DNAJC16: variants seen among roughly 807,000 people sequenced by gnomAD.
DNAJC16 encodes the protein DnaJ heat shock protein family (Hsp40) member C16, also known as dnaJ homolog subfamily C member 16.
A neutral mutation model predicts 92.7 loss-of-function variants in DNAJC16; 76 were observed. The observed-to-expected ratio is 0.82, with a 90% CI of 0.68 to 0.99. DNAJC16 has a LOEUF of 0.99. Among genes scored for constraint, DNAJC16 ranks in the 50% least tolerant of loss-of-function variants. The probability of loss-of-function intolerance (pLI) is 0.00; values close to 1 mark genes in which losing one functional copy is unlikely to be tolerated. For missense variants in DNAJC16, 869 were observed against 942.4 expected (o/e 0.92, Z 1.02); for synonymous variants, 328 against 358.7 (o/e 0.91, Z 0.97).
Position 15,536,525 on chromosome 1 carries a change from T to C in DNAJC16, c.285T>C (p.Ala95=), listed in dbSNP as rs779560655. Residue 95 remains alanine (A), a synonymous_variant, in exon 4 of 15, where the codon GCT becomes GCC. Coordinates refer to ENST00000375847, the MANE Select transcript of DNAJC16 (RefSeq NM_015291.4). The stretch of plus-strand genomic sequence containing the variant: ...CAAATTATGATCAATATGGAGACGC[T>C]GGAGAGAACCAGGGCTACCAGAAGC... ...KRSNYDQYGD[A]GENQGYQKQQ... is the part of the protein sequence containing the mutation. 3 of 1,613,814 alleles carry C rather than the reference T, an allele frequency of 1.9e-6. No homozygotes were observed. Among genetic ancestry groups the C allele is most frequent in the Non-Finnish European group, 1.7e-6 (2 of 1,179,912 alleles).
chr1:15,533,598 A>G (rs1367944736), intron 2 of DNAJC16, among the ~76,000 whole-genome samples: 1 of 152,212 alleles, frequency 6.6e-6, no homozygotes, highest in African/African-American at 2.4e-5. Flanking sequence ...ACTGCATTCC[A>G]GTCTGGGCAA....
rs185550191 is a variant in DNAJC16, at chr1:15,567,969, A to G, written c.2141A>G (p.Gln714Arg). Residue 714 changes from glutamine to arginine, a missense_variant, in exon 15 of 15, where the codon CAA becomes CGA. Transcript: ENST00000375847. The part of the protein sequence containing the change: ...HKKYFCLFKP[Q>R]KTVEEEEAIG... ...AAATACTTCTGCCTCTTCAAGCCCC[A>G]AAAGACAGTCGAAGAGGAGGAAGCC... 4 of 1,614,230 alleles carry G rather than the reference A, an allele frequency of 2.5e-6. No individual in the cohort carries two copies.
chr1:15,542,369 AG>A (rs1277466118), intron 4 of DNAJC16: 1 of 152,306 alleles, frequency 6.6e-6, no homozygotes, highest in African/African-American at 2.4e-5. Flanking sequence ...GAGAGTTCCC[AG>A]GTGGCTGAAC....
At chr1:15,548,554 T>A (rs1638366671) in intron 7 of DNAJC16, 126 bp downstream of exon 7, 5 of 972,276 alleles carry the variant, frequency 5.1e-6, no homozygotes, top group Non-Finnish European at 7.1e-6. Context: ...CAAAATTTTT[T>A]AATGAATTTT....
At chr1:15,563,887 G>A (rs1469943250) in intron 9 of DNAJC16, 42 bp from the exon 10 acceptor site, 1 of 1,542,074 alleles carries the variant, frequency 6.5e-7, no homozygotes, top group South Asian at 1.2e-5. Flanking sequence ...ACTTAACCAT[G>A]CTTTTGAAAC....
rs1490981309 is a variant in DNAJC16, at chr1:15,568,301, A to G, written c.*124A>G. 11 of 822,864 alleles carry G rather than the reference A, an allele frequency of 1.3e-5. No individual in the cohort carries two copies. The East Asian group carries it at 1.5e-4, about 11-fold the overall frequency. The allele number at this position is 822,864 out of a possible 1,614,324, so 51.0% of individuals were successfully genotyped here. On this transcript the variant is annotated 3_prime_UTR_variant, in exon 15 of 15. Coordinates refer to ENST00000375847, the MANE Select transcript of DNAJC16 (RefSeq NM_015291.4). The stretch of plus-strand genomic sequence containing the variant: ...GATTTTAGATTGCTCTTCTAGAACC[A>G]TGGCTAGAAGAATCTTTCCTTTGTC...
chr1:15,568,000 G>T lies in DNAJC16; in HGVS notation c.2172G>T (p.Gly724=), dbSNP rs1638859187. Residue 724 remains glycine, a synonymous_variant, in exon 15 of 15, where the codon GGG becomes GGT. Transcript: ENST00000375847. ...CAGTCGAAGAGGAGGAAGCCATAGG[G>T]TCGTGCAGTGATGTTGACTCTTCCC... ...QKTVEEEEAI[G]SCSDVDSSLY... is the part of the protein sequence containing the mutation. 1 of 1,614,110 alleles carries T rather than the reference G, an allele frequency of 6.2e-7. No homozygotes were observed. Among genetic ancestry groups the T allele is most frequent in the Non-Finnish European group, 8.5e-7 (1 of 1,180,048 alleles).
chr1:15,530,115 A>G (rs1710619988), intron 2 of DNAJC16, among the ~76,000 whole-genome samples: 1 of 151,886 alleles, frequency 6.6e-6, no homozygotes. Context: ...CTGACTATAT[A>G]TTACTCAAAA....
intron 4 of DNAJC16, among the ~76,000 whole-genome samples, chr1:15,538,647 T>A (rs540289477): frequency 6.6e-6 from 1 of 151,896 alleles, no homozygotes; most frequent in East Asian, 1.9e-4. Flanking sequence ...AACCCTGGAG[T>A]TGGAGGTTGC....
At chr1:15,534,148 C>A in intron 2 of DNAJC16, 89 bp from the exon 3 acceptor site, 2 of 1,328,614 alleles carry the variant, frequency 1.5e-6, no homozygotes, top group Non-Finnish European at 2.1e-6. Context: ...CTCCGTCTGC[C>A]TCTGTAGTGA....
chr1:15,533,636 CAAAAA>C (rs568602677), intron 2 of DNAJC16, among the ~76,000 whole-genome samples: 2 of 147,854 alleles, frequency 1.4e-5, no homozygotes, highest in Non-Finnish European at 3.0e-5. Flanking sequence ...TCAAAAAAAA[CAAAAA>C]AACAAAAAAA....
chr1:15,542,107 T>C (rs1259112606), intron 4 of DNAJC16: 1 of 152,042 alleles, frequency 6.6e-6, no homozygotes, highest in Non-Finnish European at 1.5e-5. Context: ...GGGCTGGAGA[T>C]TGAGTTAATA....
intron 7 of DNAJC16, among the ~76,000 whole-genome samples, chr1:15,551,688 A>G (rs1041283951): frequency 1.3e-5 from 2 of 151,336 alleles, no homozygotes; most frequent in Middle Eastern, 3.4e-3. Context: ...GACTCGGCTC[A>G]CTGCAGTTCC....
chr1:15,563,523 C>CT lies in DNAJC16; in HGVS notation c.1339-405dup, dbSNP rs1421334977. On this transcript the variant is annotated intron_variant, in intron 9 of 14. Transcript: ENST00000375847. ...CAGCCTGGGAGACAAGGGCGAAACT[C>CT]TGTCTCAAAAAACAAACAACTGGGC... is the stretch of plus-strand genomic sequence containing the variant. Among the ~76,000 whole-genome samples, 3 of 150,478 alleles carry CT rather than the reference C, an allele frequency of 2.0e-5. No homozygotes were observed. The East Asian group carries it at 5.9e-4, about 30-fold the overall frequency.
At chr1:15,534,455 G>A in intron 3 of DNAJC16, 152 bp downstream of exon 3, 1 of 770,362 alleles carries the variant, frequency 1.3e-6, no homozygotes. Flanking sequence ...TGGATGCGGT[G>A]GCTCATGCCT....
At chr1:15,538,817 A>C (rs1210888253) in intron 4 of DNAJC16, among the ~76,000 whole-genome samples, 1 of 152,218 alleles carries the variant, frequency 6.6e-6, no homozygotes, top group Non-Finnish European at 1.5e-5. Context: ...ACTGGCAAAA[A>C]TAACGCATTT....
rs948359590 is a variant in DNAJC16, at chr1:15,559,473, A to G, written c.1024-53A>G. 3.7e-6 allele frequency: 6 copies of G among 1,604,152 alleles called. No individual in the cohort carries two copies. In the African/African-American group the frequency reaches 6.7e-5, roughly 18 times the overall value. ...GCTGGTAAGTAAAGAAAGCCCATCT[A>G]TTTGCATTGAGAACACTGCATAAAA... On this transcript the variant is annotated intron_variant, in intron 7 of 14. Transcript: ENST00000375847.
In DNAJC16 at chr1:15,567,098, G is replaced by T. The variant is rs1638828932; in HGVS notation, c.1779-1G>T. ...CTTAACTCCTCAATATTTCTCCACA[G>T]CAAGATTCCTAAAAAAGGCTTTGTG... On this transcript the variant is annotated splice_acceptor_variant, in intron 13 of 14. Coordinates refer to ENST00000375847, the MANE Select transcript of DNAJC16 (RefSeq NM_015291.4). LOFTEE classifies it high-confidence loss of function. 6.2e-7 allele frequency: 1 copy of T among 1,605,150 alleles called. No homozygotes were observed. Among genetic ancestry groups the T allele is most frequent in the Non-Finnish European group, 8.5e-7 (1 of 1,172,522 alleles).
intron 7 of DNAJC16, among the ~76,000 whole-genome samples, chr1:15,558,808 T>C (rs1276304200): frequency 6.6e-6 from 1 of 152,242 alleles, no homozygotes; most frequent in African/African-American, 2.4e-5. Context: ...CTGCCTTTTA[T>C]ACTTTGCAAC....
Sources: allele counts gnomAD v4.1 joint callset (sites outside exome capture counted in the v4.1 genomes callset), GRCh38; gene constraint gnomAD v4.1.1; transcripts MANE v1.5; gene names NCBI Gene and HGNC (gene_info 2026-07-23, HGNC 2026-07-21).